RFXANK: variants seen among roughly 807,000 people sequenced by gnomAD.
The protein encoded by RFXANK is regulatory factor X associated ankyrin containing protein.
Under a neutral mutation model 34.5 loss-of-function variants are expected in RFXANK, and 19 were observed. That is an observed-to-expected ratio of 0.55 (90% CI 0.38 to 0.81). The LOEUF is 0.81. RFXANK is among the 30% of genes least tolerant of loss of function. The probability of loss-of-function intolerance (pLI) is 0.00; values close to 1 mark genes in which losing one functional copy is unlikely to be tolerated. For synonymous variants in RFXANK, 154 were observed against 149.8 expected, an observed-to-expected ratio of 1.03 and a Z score of -0.20; for missense variants, 295 against 343.5, an observed-to-expected ratio of 0.86 and a Z score of 1.12.
In RFXANK at chr19:19,192,273, A is replaced by T. The variant is rs2060494839; in HGVS notation, c.-431A>T. On this transcript the variant is annotated 5_prime_UTR_variant, in exon 1 of 10. It adds an upstream start codon to the 5' untranslated region. Coordinates refer to ENST00000303088, the MANE Select transcript of RFXANK (RefSeq NM_003721.4). ...GCTCCTCAGTCTTTGCGGACAAGAAAGGGGCTGTGTGAGACGCAGGGAAGG... is the reference window on the plus strand; with the variant it reads ...GCTCCTCAGTCTTTGCGGACAAGAATGGGGCTGTGTGAGACGCAGGGAAGG... 9.9e-7 allele frequency: 1 copy of T among 1,012,746 alleles called. No individual in the cohort carries two copies. Among genetic ancestry groups the T allele is most frequent in the Admixed American group, 2.3e-5 (1 of 44,412 alleles). 62.7% of individuals were successfully genotyped at this position (1,012,746 alleles called of 1,614,324 possible). A position where few individuals can be genotyped will look rare whatever the true frequency, so the allele number is the denominator to read the frequency against.
intron 9 of RFXANK, 161 bp from the exon 10 acceptor site, chr19:19,201,488 G>A (rs757687022): frequency 1.9e-6 from 3 of 1,590,490 alleles, no homozygotes; most frequent in Non-Finnish European, 8.5e-7. Flanking sequence ...GGGAAGTTGA[G>A]GTTCCTGGGG....
intron 5 of RFXANK, 62 bp downstream of exon 5, chr19:19,197,313 C>A (rs1724106831): frequency 6.6e-7 from 1 of 1,524,334 alleles, no homozygotes; most frequent in African/African-American, 1.4e-5. Flanking sequence ...ATATGGGTGT[C>A]CATACCCACT....
chr19:19,199,313 C>T, intron 9 of RFXANK, 79 bp downstream of exon 9: 2 of 1,325,434 alleles, frequency 1.5e-6, no homozygotes, highest in Non-Finnish European at 2.2e-6. Context: ...TGGGACACCC[C>T]TTCAGTGGTC....
intron 9 of RFXANK, among the ~76,000 whole-genome samples, chr19:19,200,635 ATT>A: frequency 6.8e-6 from 1 of 147,992 alleles, no homozygotes; most frequent in East Asian, 2.1e-4. Context: ...TTTTTTATTT[ATT>A]TTTTGAGACA....
chr19:19,201,555 G>T, intron 9 of RFXANK, 94 bp from the exon 10 acceptor site: 2 of 1,607,448 alleles, frequency 1.2e-6, no homozygotes. Flanking sequence ...AAGGGTCCCT[G>T]TTTGTCCCCT....
chr19:19,197,988 G>A (rs939453247), intron 6 of RFXANK, 119 bp from the exon 7 acceptor site: 2 of 1,396,906 alleles, frequency 1.4e-6, no homozygotes, highest in African/African-American at 2.9e-5. Flanking sequence ...CTCCAGCCTG[G>A]GCAACAGAGC....
At chr19:19,198,591 G>T in intron 7 of RFXANK, 66 bp from the exon 8 acceptor site, 1 of 1,570,684 alleles carries the variant, frequency 6.4e-7, no homozygotes, top group East Asian at 2.2e-5. Flanking sequence ...AGGCCAGAGA[G>T]TACAAGGCAT....
chr19:19,196,972 C>T lies in RFXANK; in HGVS notation c.197C>T (p.Ser66Phe). 1 of 1,612,326 alleles carries T rather than the reference C, an allele frequency of 6.2e-7. No individual in the cohort carries two copies. Among genetic ancestry groups the T allele is most frequent in the Non-Finnish European group, 8.5e-7 (1 of 1,179,940 alleles). ...ASVSSPQAGS[S>F]LKHSTTLTNR... ...GTTGTCTGTTTCCCAGCAGGCAGCT[C>T]CCTGAAGCACTCCACCACTCTCACC... The change falls in exon 4 of 10, where the codon TCC becomes TTC. Residue 66 changes from serine (S) to phenylalanine (F), a missense_variant. By Grantham distance (155) the Ser-to-Phe change is radical. Transcript: ENST00000303088.
At chr19:19,200,788 A>ATTTTTTTTT (rs71170606) in intron 9 of RFXANK, 2 of 84,546 alleles carry the variant, frequency 2.4e-5, no homozygotes, top group African/African-American at 1.2e-4. Context: ...CACCTGGCTA[A>ATTTTTTTTT]TTTTTTTTTT....
At chr19:19,199,345 G>A (rs899553209) in intron 9 of RFXANK, 111 bp downstream of exon 9, 1 of 1,022,694 alleles carries the variant, frequency 9.8e-7, no homozygotes, top group Non-Finnish European at 1.5e-6. Flanking sequence ...GCGAGAGTGT[G>A]TTGACAGGTG....
chr19:19,198,964 C>T, intron 8 of RFXANK, 190 bp from the exon 9 acceptor site: 1 of 759,466 alleles, frequency 1.3e-6, no homozygotes, highest in Non-Finnish European at 2.3e-6. Context: ...GTTCAGAGAC[C>T]CTTCAGCCAC....
intron 9 of RFXANK, 108 bp downstream of exon 9, chr19:19,199,342 T>C: frequency 2.8e-6 from 3 of 1,089,660 alleles, no homozygotes; most frequent in Non-Finnish European, 2.8e-6. Flanking sequence ...GCAGCGAGAG[T>C]GTGTTGACAG....
chr19:19,193,665 C>T (rs2060539425), intron 2 of RFXANK, among the ~76,000 whole-genome samples: 1 of 152,096 alleles, frequency 6.6e-6, no homozygotes, highest in African/African-American at 2.4e-5. Flanking sequence ...CCACCCTCCT[C>T]GGCCTCCCAA....
intron 1 of RFXANK, 168 bp downstream of exon 1, chr19:19,192,722 C>T (rs1292221678): frequency 6.5e-6 from 1 of 152,912 alleles, no homozygotes; most frequent in East Asian, 1.9e-4. Flanking sequence ...TCTCAGAGCC[C>T]TTTAGGCCCC....
At chr19:19,193,613 A>G (rs2060537740) in intron 2 of RFXANK, among the ~76,000 whole-genome samples, 2 of 151,742 alleles carry the variant, frequency 1.3e-5, no homozygotes, top group South Asian at 4.2e-4. Context: ...ATGGGGTTTC[A>G]CCATGGTGGC....
At chr19:19,197,706 T>G in intron 6 of RFXANK, 85 bp downstream of exon 6, 1 of 1,227,234 alleles carries the variant, frequency 8.1e-7, no homozygotes, top group Non-Finnish European at 1.2e-6. Flanking sequence ...GCTGGCGCCT[T>G]GTCTTTGAGA....
chr19:19,195,399 C>A (rs1335611049), intron 3 of RFXANK, among the ~76,000 whole-genome samples: 1 of 151,898 alleles, frequency 6.6e-6, no homozygotes, highest in Non-Finnish European at 1.5e-5. Flanking sequence ...ACTGCAACTC[C>A]CTCTCCTGGG....
intron 3 of RFXANK, among the ~76,000 whole-genome samples, chr19:19,196,237 A>G (rs1478757226): frequency 6.6e-6 from 1 of 152,082 alleles, no homozygotes; most frequent in Non-Finnish European, 1.5e-5. Context: ...AGTCCCAGGC[A>G]CTGCCTTTGG....
At chr19:19,199,045 C>A in intron 8 of RFXANK, 109 bp from the exon 9 acceptor site, 2 of 1,114,498 alleles carry the variant, frequency 1.8e-6, no homozygotes, top group Non-Finnish European at 1.3e-6. Context: ...CGGGCAGACC[C>A]ACGGCTGCAT....
Sources: allele counts gnomAD v4.1 joint callset (sites outside exome capture counted in the v4.1 genomes callset), GRCh38; gene constraint gnomAD v4.1.1; transcripts MANE v1.5; gene names NCBI Gene and HGNC (gene_info 2026-07-23, HGNC 2026-07-21).